Variants in EPHA6 observed in about 807,000 individuals in gnomAD.
The protein encoded by EPHA6 is EPH receptor A6.
A neutral mutation model predicts 112.0 loss-of-function variants in EPHA6; 50 were observed. The observed-to-expected ratio is 0.45, with a 90% CI of 0.36 to 0.56. The LOEUF is 0.56. Among genes scored for constraint, EPHA6 ranks in the 20% least tolerant of loss-of-function variants. EPHA6 has a pLI of 0.00. For missense variants in EPHA6, 1,280 were observed against 1,417.4 expected (o/e 0.90, Z 1.56); for synonymous variants, 529 against 490.7 (o/e 1.08, Z -1.03).
chr3:97,635,193 C>G (rs1296623412), intron 13 of EPHA6, among the ~76,000 whole-genome samples: 4 of 151,938 alleles, frequency 2.6e-5, no homozygotes, highest in Non-Finnish European at 4.4e-5. Flanking sequence ...AGTAAATATC[C>G]TACATTTATA....
intron 5 of EPHA6, among the ~76,000 whole-genome samples, chr3:97,268,325 A>G (rs1702649149): frequency 1.3e-5 from 2 of 152,184 alleles, no homozygotes; most frequent in African/African-American, 4.8e-5. Context: ...AGTTTGGTGC[A>G]TTTTAATCAC....
intron 4 of EPHA6, among the ~76,000 whole-genome samples, chr3:97,239,468 A>G (rs2078779863): frequency 6.6e-6 from 1 of 151,912 alleles, no homozygotes; most frequent in Non-Finnish European, 1.5e-5. Context: ...CTACTGTTGA[A>G]CAGAAAGTGT....
intron 6 of EPHA6, among the ~76,000 whole-genome samples, chr3:97,426,336 A>G (rs2089120787): frequency 6.6e-6 from 1 of 152,204 alleles, no homozygotes; most frequent in East Asian, 1.9e-4. Flanking sequence ...AAGAGCAAGC[A>G]TGTGCAGGGG....
intron 5 of EPHA6, among the ~76,000 whole-genome samples, chr3:97,329,875 G>C (rs1207412442): frequency 1.3e-5 from 2 of 152,134 alleles, no homozygotes; most frequent in Non-Finnish European, 2.9e-5. Flanking sequence ...TGGTGTTTTA[G>C]ACATGAAGTC....
chr3:97,230,324 TACA>T (rs1468110934), intron 4 of EPHA6, among the ~76,000 whole-genome samples: 1 of 152,178 alleles, frequency 6.6e-6, no homozygotes, highest in African/African-American at 2.4e-5. Flanking sequence ...AAATATGGGC[TACA>T]ACAAGGTCTA....
At chr3:97,602,750 C>T (rs1397931514) in intron 12 of EPHA6, among the ~76,000 whole-genome samples, 2 of 151,992 alleles carry the variant, frequency 1.3e-5, no homozygotes, top group Non-Finnish European at 2.9e-5. Context: ...TTATTCTTAC[C>T]TACCTGCTGA....
chr3:96,868,423 A>G (rs1159967884), intron 2 of EPHA6, among the ~76,000 whole-genome samples: 2 of 151,916 alleles, frequency 1.3e-5, no homozygotes, highest in African/African-American at 2.4e-5. Flanking sequence ...AAGAATGAAA[A>G]TAATCTAGGT....
chr3:97,426,152 C>G (rs892126091), intron 6 of EPHA6, among the ~76,000 whole-genome samples: 5 of 152,172 alleles, frequency 3.3e-5, no homozygotes, highest in African/African-American at 1.2e-4. Context: ...ACCCCACTAC[C>G]CCATACCAAT....
At chr3:96,837,055 G>A (rs115873298) in intron 1 of EPHA6, among the ~76,000 whole-genome samples, 2,055 of 152,222 alleles carry the variant, frequency 0.013, 45 homozygotes, top group African/African-American at 0.045. Context: ...TCTAGACTGA[G>A]TGATAAGATA....
At chr3:97,291,516 C>CTACA (rs1249740045) in intron 5 of EPHA6, among the ~76,000 whole-genome samples, 3 of 152,194 alleles carry the variant, frequency 2.0e-5, no homozygotes, top group Admixed American at 2.0e-4. Flanking sequence ...TTCCAATATA[C>CTACA]TACATAGAGT....
chr3:97,048,741 G>A (rs2045591368), intron 3 of EPHA6, among the ~76,000 whole-genome samples: 1 of 152,226 alleles, frequency 6.6e-6, no homozygotes, highest in South Asian at 2.1e-4. Context: ...GAACAAAACT[G>A]TGCAAAATCC....
chr3:96,863,930 GA>G (rs1253997002), intron 1 of EPHA6, among the ~76,000 whole-genome samples: 3 of 151,908 alleles, frequency 2.0e-5, no homozygotes, highest in Non-Finnish European at 4.4e-5. Flanking sequence ...TCTTTGATGA[GA>G]AAATTAGAAT....
At chr3:96,902,759 T>C (rs1003151480) in intron 2 of EPHA6, among the ~76,000 whole-genome samples, 1 of 152,180 alleles carries the variant, frequency 6.6e-6, no homozygotes, top group African/African-American at 2.4e-5. Context: ...TTCCTTTTAA[T>C]TTCCTACCGG....
At chr3:97,210,978 C>T (rs2077857111) in intron 3 of EPHA6, among the ~76,000 whole-genome samples, 1 of 152,176 alleles carries the variant, frequency 6.6e-6, no homozygotes, top group South Asian at 2.1e-4. Flanking sequence ...GTGGCCATCT[C>T]CATGGCTGCT....
At chr3:97,275,351 G>A (rs1262352358) in intron 5 of EPHA6, among the ~76,000 whole-genome samples, 1 of 152,178 alleles carries the variant, frequency 6.6e-6, no homozygotes, top group Non-Finnish European at 1.5e-5. Context: ...AAGCCTCGTG[G>A]CAGTACAGCC....
chr3:97,713,873 TG>T, intron 14 of EPHA6, among the ~76,000 whole-genome samples: 1 of 152,310 alleles, frequency 6.6e-6, no homozygotes. Context: ...GAATTCTACC[TG>T]TGAAATATTA....
intron 3 of EPHA6, among the ~76,000 whole-genome samples, chr3:97,176,762 C>T (rs932957938): frequency 5.3e-5 from 8 of 151,536 alleles, no homozygotes; most frequent in African/African-American, 1.7e-4. Flanking sequence ...TTTCTGATTT[C>T]ATTTATTTGG....
chr3:97,315,778 C>A (rs138708900), intron 5 of EPHA6, among the ~76,000 whole-genome samples: 1 of 151,834 alleles, frequency 6.6e-6, no homozygotes, highest in Non-Finnish European at 1.5e-5. Flanking sequence ...TTTGTTATTA[C>A]CATTTCACAG....
chr3:97,014,771 A>G (rs190214951), intron 3 of EPHA6, among the ~76,000 whole-genome samples: 1 of 152,336 alleles, frequency 6.6e-6, no homozygotes, highest in African/African-American at 2.4e-5. Flanking sequence ...CAAAGTATTT[A>G]AGAATTCCTA....
Sources: gnomAD v4.1 joint callset for allele counts (sites outside exome capture counted in the v4.1 genomes callset) on GRCh38, gnomAD v4.1.1 for gene constraint, MANE v1.5 for transcripts, NCBI Gene and HGNC (gene_info 2026-07-23, HGNC 2026-07-21) for gene names.